Variants in GFPT2 observed in about 807,000 individuals in gnomAD.
GFPT2 encodes the protein glutamine--fructose-6-phosphate transaminase 2.
GFPT2 carries 62 observed loss-of-function variants against 85.6 expected under a neutral mutation model. The observed-to-expected ratio is 0.72, with a 90% CI of 0.59 to 0.90. GFPT2 has a LOEUF of 0.90. GFPT2 is among the 40% of genes least tolerant of loss of function. The probability of loss-of-function intolerance (pLI) is 0.00; values close to 1 mark genes in which losing one functional copy is unlikely to be tolerated. For synonymous variants in GFPT2, 368 were observed against 344.5 expected (o/e 1.07, Z -0.75); for missense variants, 788 against 893.4 (o/e 0.88, Z 1.50).
Position 180,353,325 on chromosome 5 carries a change from C to T in GFPT2, c.-108G>A, listed in dbSNP as rs576801131. The T allele has an allele frequency of 3.1e-5, 24 of 784,886 alleles. No homozygotes were observed. The highest frequency in any genetic ancestry group is 5.9e-5 in the Admixed American group (1 of 16,928). The allele number at this position is 784,886 out of a possible 1,614,324, so 48.6% of individuals were successfully genotyped here. ...GGCTCCGTGGGCTCCGTGGGCTCCG[C>T]GGGCTCCAGCTCCCGTCCGCTCGGC... On this transcript the variant is annotated 5_prime_UTR_variant, in exon 1 of 19. Coordinates refer to ENST00000253778, the MANE Select transcript of GFPT2 (RefSeq NM_005110.4).
At chr5:180,312,405 T>C (rs1382359134) in intron 15 of GFPT2, 25 bp downstream of exon 15, 5 of 1,195,022 alleles carry the variant, frequency 4.2e-6, no homozygotes, top group Non-Finnish European at 6.3e-6. Flanking sequence ...TCTGAAAACA[T>C]GGAAAGCTGA....
At chr5:180,349,600 G>A (rs148343675) in intron 1 of GFPT2, among the ~76,000 whole-genome samples, 1 of 152,262 alleles carries the variant, frequency 6.6e-6, no homozygotes, top group East Asian at 1.9e-4. Context: ...AGCCCCAGGA[G>A]CTGGGAGAGG....
chr5:180,324,882 G>C lies in GFPT2; in HGVS notation c.610C>G (p.Leu204Val), dbSNP rs778891887. ...TATTTGCTCCGGACTCCGATGAGCA[G>C]GGGGCTGCCTCTCCTGTAGGGAGAA... ...EAVATRRGSP[L>V]LIGVRSKYKL... The change falls in exon 8 of 19, where the codon CTG (leucine) becomes GTG (valine). Residue 204 changes from leucine to valine, a missense_variant. By Grantham distance (32) the Leu-to-Val change is conservative. Coordinates refer to ENST00000253778, the MANE Select transcript of GFPT2 (RefSeq NM_005110.4). The C allele has an allele frequency of 6.2e-7, 1 of 1,608,304 alleles. No individual in the cohort carries two copies. Among genetic ancestry groups the C allele is most frequent in the Non-Finnish European group, 8.5e-7 (1 of 1,174,760 alleles).
rs1165145900 is a variant in GFPT2, at chr5:180,310,001, G to A, written c.1546+2429C>T. Among the ~76,000 whole-genome samples the A allele has an allele frequency of 4.0e-5, 6 of 151,464 alleles. No individual in the cohort carries two copies. In the East Asian group the frequency reaches 5.9e-4, roughly 15 times the overall value. The stretch of plus-strand genomic sequence containing the variant: ...AATTTTTTGTATTTTTAGTAGAGAC[G>A]GGGTTTCACCATGTTAGCCAGGATG... On this transcript the variant is annotated intron_variant, in intron 15 of 18. Coordinates refer to ENST00000253778, the MANE Select transcript of GFPT2 (RefSeq NM_005110.4).
intron 8 of GFPT2, 93 bp from the exon 9 acceptor site, chr5:180,324,398 G>A: frequency 1.3e-6 from 1 of 781,382 alleles, no homozygotes; most frequent in Non-Finnish European, 2.1e-6. Flanking sequence ...GAATATGTGT[G>A]GGAGAAATTT....
Position 180,316,434 on chromosome 5 carries a change from C to T in GFPT2, c.1180G>A (p.Glu394Lys), listed in dbSNP as rs369381766. 1.2e-6 allele frequency: 2 copies of T among 1,614,050 alleles called. No individual in the cohort carries two copies. The highest frequency in any genetic ancestry group is 1.1e-5 in the South Asian group (1 of 91,086). The change falls in exon 13 of 19, where the codon GAG (glutamate) becomes AAG (lysine). Residue 394 changes from glutamate to lysine, a missense_variant. Coordinates refer to ENST00000253778, the MANE Select transcript of GFPT2 (RefSeq NM_005110.4). ...ATRQVLEELT[E>K]LPVMVELASD... ...GCAAGTTCAACCATCACAGGAAGCT[C>T]AGTCAGTTCCTCCAAAACTTGCCGC...
rs1191075365 is a variant in GFPT2, at chr5:180,326,184, C to T, written c.597-1289G>A. 5.3e-5 allele frequency among the ~76,000 whole-genome samples: 8 copies of T among 152,214 alleles called. No individual in the cohort carries two copies. In the South Asian group the frequency reaches 1.0e-3, roughly 20 times the overall value. On this transcript the variant is annotated intron_variant, in intron 7 of 18. Coordinates refer to ENST00000253778, the MANE Select transcript of GFPT2 (RefSeq NM_005110.4). ...AAGAGGCTCACTCTGGTAACACATG[C>T]GCTCTAAACCTGCGGTTCTTCAAAA...
chr5:180,301,835 A>T (rs1051003629), intron 18 of GFPT2, among the ~76,000 whole-genome samples: 1 of 152,036 alleles, frequency 6.6e-6, no homozygotes, highest in Non-Finnish European at 1.5e-5. Context: ...GTGTGTCATG[A>T]TCTGTTAACA....
At chr5:180,340,516 T>TTG (rs1472898597) in intron 1 of GFPT2, among the ~76,000 whole-genome samples, 1 of 140,442 alleles carries the variant, frequency 7.1e-6, no homozygotes, top group East Asian at 2.1e-4. Context: ...TGCAGGTTTT[T>TTG]TTTTTTTTTT....
intron 13 of GFPT2, among the ~76,000 whole-genome samples, chr5:180,314,308 CCT>C: frequency 6.6e-6 from 1 of 152,248 alleles, no homozygotes; most frequent in East Asian, 1.9e-4. Context: ...CTCCCAGCGC[CCT>C]CTCTGCAACT....
rs57398977 is a variant in GFPT2 at position 180,349,405 on chromosome 5, T to C, written c.7+3806A>G. On this transcript the variant is annotated intron_variant, in intron 1 of 18. Transcript: ENST00000253778. ...ACTTATAACCTCAAATTAATCACTC[T>C]TTATAAGCTAATTTTGCTAGATACA... Among the ~76,000 whole-genome samples the C allele has an allele frequency of 5.8e-3, 887 of 152,356 alleles. 7 individuals are homozygous for C. Among genetic ancestry groups the C allele is most frequent in the African/African-American group, 0.02 (838 of 41,580 alleles).
intron 18 of GFPT2, among the ~76,000 whole-genome samples, 178 bp from the exon 19 acceptor site, chr5:180,301,786 A>T (rs1038975695): frequency 6.6e-6 from 1 of 152,076 alleles, no homozygotes; most frequent in Admixed American, 6.6e-5. Flanking sequence ...TAACCGTATA[A>T]GGTTTAGTCC....
At position 180,330,722 on chromosome 5, in the gene GFPT2, A is replaced by G; in HGVS notation, c.512T>C (p.Val171Ala). 1 of 1,613,282 alleles carries G rather than the reference A, an allele frequency of 6.2e-7. No homozygotes were observed. Among genetic ancestry groups the G allele is most frequent in the Middle Eastern group, 1.6e-4 (1 of 6,062 alleles). Residue 171 changes from valine (V) to alanine (A), a missense_variant, in exon 6 of 19, where the codon GTC becomes GCC. Transcript: ENST00000253778. The surrounding 1 kb of genome is among the most constrained non-coding windows in gnomAD (Gnocchi z 4.4). ...ETEDITFSTLVERVIQQLEGA... is the reference protein window; with the variant it reads ...ETEDITFSTLAERVIQQLEGA... ...CACCAACTGCTGAATGACTCTCTCG[A>G]CCAACGTTGAAAACGTAATGTCCTC...
intron 4 of GFPT2, among the ~76,000 whole-genome samples, chr5:180,333,246 T>A (rs1386069961): frequency 1.3e-5 from 2 of 152,048 alleles, no homozygotes; most frequent in Non-Finnish European, 2.9e-5. Context: ...TTTCTTTTTT[T>A]TTTTCTGAGA....
chr5:180,352,509 G>T (rs1326884261), intron 1 of GFPT2: 5 of 446,786 alleles, frequency 1.1e-5, no homozygotes, highest in Non-Finnish European at 2.2e-5. Context: ...GACAGCGCGG[G>T]AGCGCCGCGG....
intron 4 of GFPT2, among the ~76,000 whole-genome samples, chr5:180,335,077 C>T (rs1214521050): frequency 6.6e-6 from 1 of 152,228 alleles, no homozygotes; most frequent in Non-Finnish European, 1.5e-5. Context: ...CTGAAACCCA[C>T]CAAGGACAGC....
chr5:180,324,204 A>G lies in GFPT2; in HGVS notation c.778T>C (p.Phe260Leu), dbSNP rs781418700. The G allele has an allele frequency of 5.6e-6, 9 of 1,599,862 alleles. No homozygotes were observed. Among genetic ancestry groups the G allele is most frequent in the Non-Finnish European group, 7.7e-6 (9 of 1,167,682 alleles). ...AVGDKAVEFFFASDASAIIEH... is the reference protein window; with the variant it reads ...AVGDKAVEFFLASDASAIIEH... ...CTCAGTTACCTTGCATCAGAAGCAA[A>G]GAAGAATTCCACGGCCTTGTCGCCC... The change falls in exon 9 of 19, where the codon TTT becomes CTT. Residue 260 changes from phenylalanine to leucine, a missense_variant. Phe to Leu is a conservative substitution (Grantham distance 22). Coordinates refer to ENST00000253778, the MANE Select transcript of GFPT2 (RefSeq NM_005110.4).
chr5:180,349,680 T>A (rs1274473011), intron 1 of GFPT2, among the ~76,000 whole-genome samples: 1 of 151,936 alleles, frequency 6.6e-6, no homozygotes, highest in African/African-American at 2.4e-5. Flanking sequence ...CTGGGCCAAG[T>A]AAAACCGATT....
chr5:180,315,238 C>T lies in GFPT2; in HGVS notation c.1273+1103G>A, dbSNP rs886271391. 2.0e-4 allele frequency among the ~76,000 whole-genome samples: 30 copies of T among 150,818 alleles called. No homozygotes were observed. In the South Asian group the frequency reaches 2.3e-3, roughly 12 times the overall value. On this transcript the variant is annotated intron_variant, in intron 13 of 18. Transcript: ENST00000253778. ...TGTCGCCCAGGCTGGAGTGCAGTGG[C>T]GCGATCTCAGCTCACTGCAAGCTCC...
Sources: allele counts gnomAD v4.1 joint callset (sites outside exome capture counted in the v4.1 genomes callset), GRCh38; gene constraint gnomAD v4.1.1; non-coding constraint Gnocchi (gnomAD v3.1); transcripts MANE v1.5; gene names NCBI Gene and HGNC (gene_info 2026-07-23, HGNC 2026-07-21).